Variants in ERAP2 observed in about 807,000 individuals in gnomAD.
ERAP2 encodes leukocyte-derived arginine aminopeptidase.
Under a neutral mutation model 111.1 loss-of-function variants are expected in ERAP2, and 118 were observed. The ratio of observed to expected loss-of-function variants is 1.06; its 90% CI spans 0.92 to 1.24. The LOEUF (loss-of-function observed/expected upper bound fraction) is 1.24. Among genes scored for constraint, ERAP2 ranks in the 50% most tolerant of loss-of-function variants. The pLI is 0.00. For missense variants in ERAP2, 1,131 were observed against 1,125.8 expected (o/e 1.00, Z -0.07); for synonymous variants, 410 against 401.2 (o/e 1.02, Z -0.26).
In ERAP2 at chr5:96,915,778, C is replaced by T; in HGVS notation, c.2739+9C>T. ...AGGATAAGTTGCAAGAGGTTTGTGA[C>T]TTTCTGTTTTTAACAATTTCAAAAT... On this transcript the variant is annotated intron_variant, in intron 18 of 18. Transcript: ENST00000437043. The T allele has an allele frequency of 6.3e-7, 1 of 1,584,020 alleles. No homozygotes were observed. Among genetic ancestry groups the T allele is most frequent in the Non-Finnish European group, 8.6e-7 (1 of 1,164,336 alleles).
chr5:96,885,094 T>G (rs949026046), intron 3 of ERAP2, among the ~76,000 whole-genome samples: 1 of 152,234 alleles, frequency 6.6e-6, no homozygotes, highest in African/African-American at 2.4e-5. Context: ...ATCGTCTTCA[T>G]CTGGTGGGGA....
chr5:96,892,034 T>C (rs987211361), intron 5 of ERAP2, among the ~76,000 whole-genome samples: 1 of 152,182 alleles, frequency 6.6e-6, no homozygotes, highest in Non-Finnish European at 1.5e-5. Flanking sequence ...TTTTCAGAGT[T>C]CAGCACTTTC....
chr5:96,886,041 G>A (rs551172530), intron 3 of ERAP2, among the ~76,000 whole-genome samples: 5 of 152,228 alleles, frequency 3.3e-5, no homozygotes, highest in Non-Finnish European at 4.4e-5. Context: ...GCAAGTGAGA[G>A]AATGAGCATC....
chr5:96,905,638 T>C (rs1200773912), intron 13 of ERAP2, among the ~76,000 whole-genome samples: 1 of 152,082 alleles, frequency 6.6e-6, no homozygotes, highest in Non-Finnish European at 1.5e-5. Context: ...AACCCTACCA[T>C]TTTGGGAGGC....
rs1436959877 is a variant in ERAP2 at position 96,918,530 on chromosome 5, A to G, written c.*925A>G. 6.6e-6 allele frequency: 1 copy of G among 152,204 alleles called. No homozygotes were observed. Among genetic ancestry groups the G allele is most frequent in the Non-Finnish European group, 1.5e-5 (1 of 68,044 alleles). The allele number at this position is 152,204 out of a possible 1,614,324, so 9.4% of individuals were successfully genotyped here. A position where few individuals can be genotyped will look rare whatever the true frequency, so the allele number is the denominator to read the frequency against. On this transcript the variant is annotated 3_prime_UTR_variant, in exon 19 of 19. Transcript: ENST00000437043. ...AAGGGTAGATTTTTGAGAGCATTCC[A>G]AATGAATGGTCTCTGGTCAAATGAA... is the stretch of plus-strand genomic sequence containing the variant.
intron 14 of ERAP2, 118 bp downstream of exon 14, chr5:96,909,235 G>GAC: frequency 1.1e-6 from 1 of 909,438 alleles, no homozygotes; most frequent in Non-Finnish European, 1.7e-6. Flanking sequence ...TCGGGGGACT[G>GAC]ACTGATAGCA....
Position 96,886,708 on chromosome 5 carries a change from T to C in ERAP2, c.768T>C (p.Thr256=). 6.4e-7 allele frequency: 1 copy of C among 1,553,726 alleles called. No homozygotes were observed. The highest frequency in any genetic ancestry group is 8.8e-7 in the Non-Finnish European group (1 of 1,137,994). ...GGLLEDHFET[T]VKMSTYLVAY... is the part of the protein sequence containing the mutation. ...TTTTGGAAGATCACTTTGAAACTAC[T>C]GTAAAAATGAGTACATACCTTGTAG... Residue 256 remains threonine (T), a synonymous_variant, in exon 4 of 19, where the codon ACT becomes ACC. Coordinates refer to ENST00000437043, the MANE Select transcript of ERAP2 (RefSeq NM_022350.5).
In ERAP2 at chr5:96,908,977, C is replaced by G; in HGVS notation, c.2029C>G (p.Leu677Val). The G allele has an allele frequency of 6.2e-7, 1 of 1,614,094 alleles. No individual in the cohort carries two copies. Among genetic ancestry groups the G allele is most frequent in the Non-Finnish European group, 8.5e-7 (1 of 1,179,978 alleles). ...FQLVGAGRLT[L>V]DKALDMTYYL... ...ATACTTCAGTGCAGGGAGACTGACC[C>G]TAGACAAAGCTCTTGACATGACTTA... Residue 677 changes from leucine to valine, a missense_variant, in exon 14 of 19, where the codon CTA becomes GTA. Around this residue, in one of 3 missense-constraint regions of ERAP2, gnomAD observed 847 missense variants for 856.5 expected, o/e 0.99. Coordinates refer to ENST00000437043, the MANE Select transcript of ERAP2 (RefSeq NM_022350.5).
At chr5:96,892,190 A>C in intron 5 of ERAP2, 109 bp from the exon 6 acceptor site, 4 of 1,123,332 alleles carry the variant, frequency 3.6e-6, no homozygotes, top group Non-Finnish European at 5.2e-6. Flanking sequence ...TGTTTTCAAA[A>C]AGTCTGCTTA....
intron 15 of ERAP2, among the ~76,000 whole-genome samples, chr5:96,912,346 C>T (rs1461814849): frequency 6.6e-6 from 1 of 151,590 alleles, no homozygotes; most frequent in Non-Finnish European, 1.5e-5. Flanking sequence ...TTTCAGAAAG[C>T]TTTTATATTT....
At chr5:96,913,283 A>G (rs773345023) in intron 16 of ERAP2, 34 bp from the exon 17 acceptor site, 6 of 1,578,350 alleles carry the variant, frequency 3.8e-6, no homozygotes, top group Non-Finnish European at 5.2e-6. Context: ...CATAATACCT[A>G]CTATTTAGAA....
rs34358677 is a variant in ERAP2, at chr5:96,916,765, C to CTT, written c.2740-684_2740-683dup. Among the ~76,000 whole-genome samples, 860 of 145,000 alleles carry CTT rather than the reference C, an allele frequency of 5.9e-3. 8 individuals carry two copies. Among genetic ancestry groups the CTT allele is most frequent in the Admixed American group, 0.024 (351 of 14,698 alleles). ...TTACAGGCGTGAGCCACCAGCCTAT[C>CTT]TTTTTTTTTTTTTTAAAGCATTATA... is the stretch of plus-strand genomic sequence containing the variant. On this transcript the variant is annotated intron_variant, in intron 18 of 18. Coordinates refer to ENST00000437043, the MANE Select transcript of ERAP2 (RefSeq NM_022350.5).
At position 96,913,458 on chromosome 5, in the gene ERAP2, G is replaced by T; in HGVS notation, c.2657+1G>T. 1 of 1,613,872 alleles carries T rather than the reference G, an allele frequency of 6.2e-7. No individual in the cohort carries two copies. Among genetic ancestry groups the T allele is most frequent in the South Asian group, 1.1e-5 (1 of 91,026 alleles). On this transcript the variant is annotated splice_donor_variant, in intron 17 of 18. Coordinates refer to ENST00000437043, the MANE Select transcript of ERAP2 (RefSeq NM_022350.5). LOFTEE classifies it high-confidence loss of function. ...AAAATTGGACCCATCTTCTGAAAAA[G>T]TTGGTATTCATTTTCATCCAATGTT... is the stretch of plus-strand genomic sequence containing the variant.
At chr5:96,884,079 T>TATCA (rs1554055031) in intron 3 of ERAP2, 149 bp downstream of exon 3, 6 of 585,344 alleles carry the variant, frequency 1.0e-5, no homozygotes, top group African/African-American at 4.1e-5. Context: ...TCTATCTATC[T>TATCA]ATCATCATAA....
In ERAP2 at chr5:96,880,095, T is replaced by G. The variant is rs202144889; in HGVS notation, c.410T>G (p.Leu137Arg). The G allele has an allele frequency of 6.2e-7, 1 of 1,614,180 alleles. No homozygotes were observed. The highest frequency in any genetic ancestry group is 1.3e-5 in the African/African-American group (1 of 75,060). ...AGATACATGAAACCAGGAAAAGAAC[T>G]GAAAGTTTTGAGTTACCCTGCTCAT... ...DSRYMKPGKELKVLSYPAHEQ... is the reference protein window; with the variant it reads ...DSRYMKPGKERKVLSYPAHEQ... Residue 137 changes from leucine (L) to arginine (R), a missense_variant, in exon 2 of 19, where the codon CTG becomes CGG. Physicochemically the swap from Leu to Arg is moderately radical, Grantham distance 102. Coordinates refer to ENST00000437043, the MANE Select transcript of ERAP2 (RefSeq NM_022350.5).
intron 15 of ERAP2, 84 bp downstream of exon 15, chr5:96,909,848 C>T: frequency 7.3e-7 from 1 of 1,368,168 alleles, no homozygotes; most frequent in African/African-American, 1.5e-5. Flanking sequence ...AGGTCTAAAA[C>T]CTTTTAGTGA....
chr5:96,913,406 A>G lies in ERAP2; in HGVS notation c.2606A>G (p.Gln869Arg). ...LHAIARRPKGQQLAWDFVREN... is the reference protein window; with the variant it reads ...LHAIARRPKGRQLAWDFVREN... ...GCGATTGCCAGACGTCCAAAGGGGC[A>G]GCAACTAGCATGGGATTTTGTAAGA... Residue 869 changes from glutamine to arginine, a missense_variant, in exon 17 of 19, where the codon CAG becomes CGG. Gln to Arg is a conservative substitution (Grantham distance 43). This residue lies in a region of ERAP2 where 279 missense variants were observed against 250.9 expected (regional missense o/e 1.11). Transcript: ENST00000437043. 2 of 1,614,176 alleles carry G rather than the reference A, an allele frequency of 1.2e-6. No homozygotes were observed. The highest frequency in any genetic ancestry group is 1.7e-6 in the Non-Finnish European group (2 of 1,180,014).
rs1561395819 is a variant in ERAP2 at position 96,909,774 on chromosome 5, G to C, written c.2354+10G>C. Reference sequence around the variant, plus strand: ...CCAGTGGAAAATTAAAGTAGATGTAGACTTCTGTCCTACCCTTTGTTCTTT... The same window carrying C: ...CCAGTGGAAAATTAAAGTAGATGTACACTTCTGTCCTACCCTTTGTTCTTT... On this transcript the variant is annotated intron_variant, in intron 15 of 18. Coordinates refer to ENST00000437043, the MANE Select transcript of ERAP2 (RefSeq NM_022350.5). 2 of 1,613,230 alleles carry C rather than the reference G, an allele frequency of 1.2e-6. No homozygotes were observed. Among genetic ancestry groups the C allele is most frequent in the South Asian group, 2.2e-5 (2 of 91,000 alleles).
intron 6 of ERAP2, 93 bp downstream of exon 6, chr5:96,892,546 A>C: frequency 4.1e-6 from 6 of 1,449,448 alleles, no homozygotes; most frequent in Non-Finnish European, 3.8e-6. Context: ...AAATCATCTC[A>C]TTTACCTCTA....
Sources: allele counts gnomAD v4.1 joint callset (sites outside exome capture counted in the v4.1 genomes callset), GRCh38; gene constraint gnomAD v4.1.1; regional missense constraint gnomAD v4.1.1; transcripts MANE v1.5; gene names NCBI Gene and HGNC (gene_info 2026-07-23, HGNC 2026-07-21).